Variants in GALNT14 observed in about 807,000 individuals in gnomAD.
The protein encoded by GALNT14 is UDP-GalNAc:polypeptide N-acetylgalactosaminyltransferase 14.
In GALNT14, 60 loss-of-function variants were observed where a neutral mutation model predicts 77.5. The observed-to-expected ratio is 0.77, with a 90% CI of 0.63 to 0.96. GALNT14 has a LOEUF of 0.96. GALNT14 is among the 40% of genes least tolerant of loss of function. GALNT14 has a pLI of 0.00. For synonymous variants in GALNT14, 280 were observed against 281.7 expected, an observed-to-expected ratio of 0.99 and a Z score of 0.06; for missense variants, 710 against 731.0, an observed-to-expected ratio of 0.97 and a Z score of 0.33.
chr2:31,029,924 G>C (rs573998264), intron 1 of GALNT14, among the ~76,000 whole-genome samples: 17 of 152,318 alleles, frequency 1.1e-4, no homozygotes, highest in Non-Finnish European at 2.2e-4. Context: ...GGCTGAGTTC[G>C]AGAATTTGAG....
chr2:30,924,314 C>T (rs774748855), intron 12 of GALNT14, 51 bp from the exon 13 acceptor site: 1 of 1,590,118 alleles, frequency 6.3e-7, no homozygotes, highest in Non-Finnish European at 8.6e-7. Context: ...ATTGGATTAG[C>T]AAGACTACCA....
intron 2 of GALNT14, among the ~76,000 whole-genome samples, chr2:30,973,890 C>A (rs1357424304): frequency 6.6e-6 from 1 of 152,198 alleles, no homozygotes; most frequent in Non-Finnish European, 1.5e-5. Context: ...CATTATATCA[C>A]CACCTTTGAA....
chr2:31,049,218 T>C (rs1673683902), intron 1 of GALNT14, among the ~76,000 whole-genome samples: 1 of 152,206 alleles, frequency 6.6e-6, no homozygotes. Flanking sequence ...TGTCTTGGAC[T>C]CTCCTTCTCA....
chr2:30,958,925 C>G (rs1331845239), intron 3 of GALNT14, among the ~76,000 whole-genome samples: 1 of 152,186 alleles, frequency 6.6e-6, no homozygotes, highest in Admixed American at 6.5e-5. Flanking sequence ...TGTGACTCTC[C>G]TCGCCAATGC....
At chr2:31,070,737 T>C (rs1320775381) in intron 1 of GALNT14, among the ~76,000 whole-genome samples, 3 of 152,174 alleles carry the variant, frequency 2.0e-5, no homozygotes, top group African/African-American at 4.8e-5. Flanking sequence ...GCCCAAATCA[T>C]TGCATTGGTG....
chr2:30,965,027 G>T (rs537041095), intron 3 of GALNT14, among the ~76,000 whole-genome samples: 1 of 152,146 alleles, frequency 6.6e-6, no homozygotes, highest in Non-Finnish European at 1.5e-5. Flanking sequence ...TGCTCAGCAG[G>T]ACAGGAAGGG....
chr2:30,958,090 G>T (rs893733919), intron 4 of GALNT14, among the ~76,000 whole-genome samples: 1 of 152,190 alleles, frequency 6.6e-6, no homozygotes, highest in African/African-American at 2.4e-5. Context: ...GTCATGGCCA[G>T]GTGACAGGAT....
At chr2:30,964,980 A>AT (rs1667910995) in intron 3 of GALNT14, among the ~76,000 whole-genome samples, 1 of 151,908 alleles carries the variant, frequency 6.6e-6, no homozygotes, top group Non-Finnish European at 1.5e-5. Flanking sequence ...GTTTCATCAT[A>AT]TTTTTTTCTC....
At chr2:30,902,612 A>G in the GALNT14 span, among the ~76,000 whole-genome samples, 181 of 152,260 alleles carry the variant, frequency 1.2e-3, 2 homozygotes, top group African/African-American at 4.1e-3. Context: ...TGTTTGAGAA[A>G]CACCCAACAC....
intron 1 of GALNT14, among the ~76,000 whole-genome samples, chr2:31,100,333 A>G (rs1677203779): frequency 6.6e-6 from 1 of 152,092 alleles, no homozygotes; most frequent in African/African-American, 2.4e-5. Context: ...CCAAGAACCT[A>G]TCCTCAATGT....
chr2:30,928,033 T>C (rs763616761), intron 11 of GALNT14, among the ~76,000 whole-genome samples: 1 of 151,640 alleles, frequency 6.6e-6, no homozygotes, highest in Non-Finnish European at 1.5e-5. Context: ...TTTAAAAGAG[T>C]AGAATCCAAG....
At chr2:30,907,720 A>T (rs1276768954), downstream of GALNT14, among the ~76,000 whole-genome samples, 1 of 150,102 alleles carries the variant, frequency 6.7e-6, no homozygotes, top group African/African-American at 2.5e-5. Context: ...TGAGGCCAGC[A>T]TCATTCTGAT....
chr2:30,984,691 T>A (rs1036038262), intron 2 of GALNT14, among the ~76,000 whole-genome samples: 2 of 152,162 alleles, frequency 1.3e-5, no homozygotes, highest in Admixed American at 1.3e-4. Context: ...AAATGCCTAC[T>A]ACCTGGTAAA....
intron 2 of GALNT14, among the ~76,000 whole-genome samples, chr2:30,976,607 G>T (rs930256041): frequency 7.1e-5 from 8 of 112,610 alleles, no homozygotes; most frequent in African/African-American, 2.5e-4. Flanking sequence ...GTGCATGTGC[G>T]TGTGCGTGTG....
intron 13 of GALNT14, among the ~76,000 whole-genome samples, chr2:30,920,495 G>A (rs1367296778): frequency 1.3e-5 from 2 of 152,124 alleles, no homozygotes; most frequent in East Asian, 3.9e-4. Context: ...AGCCATAAGA[G>A]GAGAGAATGT....
intron 10 of GALNT14, 124 bp downstream of exon 10, chr2:30,931,944 G>A (rs532280554): frequency 3.3e-5 from 33 of 987,706 alleles, no homozygotes; most frequent in Non-Finnish European, 3.8e-5. Flanking sequence ...GTGCAGCCCC[G>A]GCCAGTTCAA....
At chr2:30,927,502 C>A (rs151029867) in intron 11 of GALNT14, among the ~76,000 whole-genome samples, 1 of 152,272 alleles carries the variant, frequency 6.6e-6, no homozygotes, top group East Asian at 1.9e-4. Flanking sequence ...AGTGGGAACT[C>A]GATAAATGTT....
At chr2:31,076,630 T>TATATATATATATATA (rs1553373510) in intron 1 of GALNT14, among the ~76,000 whole-genome samples, 88 of 87,226 alleles carry the variant, frequency 1.0e-3, no homozygotes, top group Middle Eastern at 6.5e-3. Context: ...TATATATATA[T>TATATATATATATATA]TTTTTTTTTT....
At chr2:30,913,848 A>G (rs992585005) in intron 13 of GALNT14, among the ~76,000 whole-genome samples, 1 of 152,226 alleles carries the variant, frequency 6.6e-6, no homozygotes, top group Non-Finnish European at 1.5e-5. Flanking sequence ...CAATGGGTAC[A>G]TGGGCGTTCT....
Sources: allele counts gnomAD v4.1 joint callset (sites outside exome capture counted in the v4.1 genomes callset), GRCh38; gene constraint gnomAD v4.1.1; transcripts MANE v1.5; gene names NCBI Gene and HGNC (gene_info 2026-07-23, HGNC 2026-07-21).